The following DENND1B variants were observed in gnomAD, a reference collection of about 807,000 sequenced individuals.
DENND1B encodes the protein DENN domain-containing protein 1B.
In DENND1B, 59 loss-of-function variants were observed where a neutral mutation model predicts 90.1. That is an observed-to-expected ratio of 0.65 (90% CI 0.53 to 0.81). The LOEUF is 0.81. Among genes scored for constraint, DENND1B ranks in the 40% least tolerant of loss-of-function variants. The probability of loss-of-function intolerance (pLI) is 0.00; values close to 1 mark genes in which losing one functional copy is unlikely to be tolerated. For synonymous variants in DENND1B, 337 were observed against 324.6 expected (o/e 1.04, Z -0.41); for missense variants, 862 against 912.6 (o/e 0.94, Z 0.71).
rs188778520 is a variant in DENND1B, at chr1:197,623,766, A to G, written c.673-6007T>C. Among the ~76,000 whole-genome samples the G allele has an allele frequency of 9.1e-3, 1,378 of 151,548 alleles. 18 individuals carry two copies. The highest frequency in any genetic ancestry group is 0.028 in the African/African-American group (1,173 of 41,406). ...TACATCATTGTCATCTGAGTCCCTA[A>G]TTTACATCAGAGTTCACACTCTAGG... On this transcript the variant is annotated intron_variant, in intron 10 of 22. Coordinates refer to ENST00000620048, the MANE Select transcript of DENND1B (RefSeq NM_001195215.2).
rs1187300248 is a variant in DENND1B, at chr1:197,587,255, G to A, written c.1048-4002C>T. On this transcript the variant is annotated intron_variant, in intron 14 of 22. Coordinates refer to ENST00000620048, the MANE Select transcript of DENND1B (RefSeq NM_001195215.2). ...TTAAATGTTGTATTATTCATTCACA[G>A]AAAAGTAAGTAAACATATGATTCTG... is the stretch of plus-strand genomic sequence containing the variant. Among the ~76,000 whole-genome samples, 7 of 152,138 alleles carry A rather than the reference G, an allele frequency of 4.6e-5. No homozygotes were observed. In the East Asian group the frequency reaches 1.4e-3, roughly 29 times the overall value.
chr1:197,749,758 T>C (rs1571607934), intron 2 of DENND1B, among the ~76,000 whole-genome samples: 1 of 152,272 alleles, frequency 6.6e-6, no homozygotes. Flanking sequence ...AAAAAGGAAC[T>C]GATTGTCTAA....
At chr1:197,527,407 C>T (rs1428595375) in intron 20 of DENND1B, among the ~76,000 whole-genome samples, 2 of 151,590 alleles carry the variant, frequency 1.3e-5, no homozygotes, top group Admixed American at 6.6e-5. Flanking sequence ...CTCAGCCTCC[C>T]GAGTAGTTGG....
chr1:197,522,878 A>T (rs1256182297), intron 20 of DENND1B, among the ~76,000 whole-genome samples: 1 of 152,130 alleles, frequency 6.6e-6, no homozygotes, highest in Non-Finnish European at 1.5e-5. Flanking sequence ...GTAAGAAAAA[A>T]ATCTGCTAAA....
chr1:197,551,113 C>A (rs10801613), intron 16 of DENND1B, among the ~76,000 whole-genome samples: 1,981 of 49,252 alleles, frequency 0.04, 15 homozygotes, highest in African/African-American at 0.096. Context: ...ACACACACAC[C>A]CCCTAGATAG....
In DENND1B at chr1:197,552,585, T is replaced by C. The variant is rs919968513; in HGVS notation, c.1240+437A>G. 2.5e-5 allele frequency: 25 copies of C among 987,734 alleles called. No homozygotes were observed. The East Asian group carries it at 3.4e-4, about 13-fold the overall frequency. The allele number at this position is 987,734 out of a possible 1,614,324, so 61.2% of individuals were successfully genotyped here. On this transcript the variant is annotated intron_variant, in intron 16 of 22. Coordinates refer to ENST00000620048, the MANE Select transcript of DENND1B (RefSeq NM_001195215.2). ...TCTGTATAATAATAATACAGTTACT[T>C]AAATATGTATAAAGAATTTTGGTGT...
chr1:197,626,048 C>A (rs889998071), intron 10 of DENND1B, among the ~76,000 whole-genome samples: 1 of 152,060 alleles, frequency 6.6e-6, no homozygotes, highest in Non-Finnish European at 1.5e-5. Context: ...TACAAAGAGA[C>A]TTAGATTCCC....
intron 14 of DENND1B, 88 bp downstream of exon 14, chr1:197,595,120 A>G: frequency 1.4e-6 from 2 of 1,429,122 alleles, no homozygotes; most frequent in Non-Finnish European, 1.9e-6. Flanking sequence ...TTGAAGGTGT[A>G]ATATTAAAAT....
At chr1:197,588,592 A>T (rs771885777) in intron 14 of DENND1B, among the ~76,000 whole-genome samples, 7 of 152,186 alleles carry the variant, frequency 4.6e-5, no homozygotes, top group Non-Finnish European at 1.0e-4. Context: ...TAAACAAACT[A>T]AGCAAAAATG....
rs137857838 is a variant in DENND1B, at chr1:197,609,611, T to C, written c.819+2320A>G. Among the ~76,000 whole-genome samples the C allele has an allele frequency of 2.9e-3, 440 of 150,504 alleles. 10 individuals are homozygous for C. The South Asian group carries it at 0.037, about 13-fold the overall frequency. On this transcript the variant is annotated intron_variant, in intron 12 of 22. Coordinates refer to ENST00000620048, the MANE Select transcript of DENND1B (RefSeq NM_001195215.2). ...TTCATTAAAACAACTGAAAGAAAGA[T>C]GTTAAGGGATATGAATTTCATGACT...
intron 15 of DENND1B, among the ~76,000 whole-genome samples, chr1:197,553,478 A>G (rs1008381335): frequency 7.2e-5 from 11 of 152,140 alleles, no homozygotes; most frequent in African/African-American, 2.4e-4. Context: ...TGCCTTGCCA[A>G]GCCATTTACC....
intron 2 of DENND1B, among the ~76,000 whole-genome samples, chr1:197,725,633 C>G (rs923709029): frequency 2.7e-5 from 4 of 150,478 alleles, no homozygotes; most frequent in Non-Finnish European, 5.9e-5. Context: ...AGACTATAGC[C>G]TTGAAAAAAA....
the DENND1B span, among the ~76,000 whole-genome samples, chr1:197,781,785 T>C: frequency 1.3e-5 from 2 of 152,220 alleles, no homozygotes; most frequent in African/African-American, 4.8e-5. Flanking sequence ...AGAACTCAGA[T>C]AAATTTTGAC....
upstream of DENND1B, among the ~76,000 whole-genome samples, chr1:197,778,669 ACTGT>A: frequency 6.6e-6 from 1 of 151,844 alleles, no homozygotes; most frequent in South Asian, 2.1e-4. Context: ...AGAGTGAGAC[ACTGT>A]CTAAAAAAAA....
intron 19 of DENND1B, 144 bp downstream of exon 19, chr1:197,540,815 G>A: frequency 1.5e-6 from 1 of 665,586 alleles, no homozygotes; most frequent in South Asian, 2.1e-5. Flanking sequence ...GTTGCCAGAG[G>A]GCTTGTTATA....
intron 2 of DENND1B, among the ~76,000 whole-genome samples, chr1:197,744,497 G>A (rs563701004): frequency 1.3e-5 from 2 of 152,278 alleles, no homozygotes; most frequent in East Asian, 3.9e-4. Context: ...TATTTTAAAA[G>A]AAATCTTTTT....
chr1:197,648,317 A>C (rs1234735675), intron 7 of DENND1B, among the ~76,000 whole-genome samples: 2 of 152,202 alleles, frequency 1.3e-5, no homozygotes, highest in Non-Finnish European at 2.9e-5. Flanking sequence ...AACTTTCTTG[A>C]CTAACATTAC....
At chr1:197,695,295 T>C (rs1382022043) in intron 3 of DENND1B, among the ~76,000 whole-genome samples, 1 of 151,072 alleles carries the variant, frequency 6.6e-6, no homozygotes, top group Admixed American at 6.6e-5. Flanking sequence ...GTCATAAGAA[T>C]ATACCAATAG....
intron 3 of DENND1B, among the ~76,000 whole-genome samples, chr1:197,701,130 A>G (rs777547457): frequency 6.6e-6 from 1 of 152,168 alleles, no homozygotes; most frequent in Non-Finnish European, 1.5e-5. Flanking sequence ...ACACGTACAC[A>G]TTTGTTTGTT....
Sources: allele counts gnomAD v4.1 joint callset (sites outside exome capture counted in the v4.1 genomes callset), GRCh38; gene constraint gnomAD v4.1.1; transcripts MANE v1.5; gene names NCBI Gene and HGNC (gene_info 2026-07-23, HGNC 2026-07-21).